Variants in DLAT observed in about 807,000 individuals in gnomAD.
DLAT encodes dihydrolipoyllysine-residue acetyltransferase component of pyruvate dehydrogenase complex, mitochondrial.
Under a neutral mutation model 68.0 loss-of-function variants are expected in DLAT, and 43 were observed. That is an observed-to-expected ratio of 0.63 (90% confidence interval 0.50 to 0.81). The LOEUF (loss-of-function observed/expected upper bound fraction) is 0.81, where lower values mean the gene tolerates loss of function less well. Among genes scored for constraint, DLAT ranks in the 40% least tolerant of loss-of-function variants. The pLI is 0.00. For synonymous variants in DLAT, 265 were observed against 288.6 expected (o/e 0.92, Z 0.83); for missense variants, 745 against 815.4 (o/e 0.91, Z 1.05).
At chr11:112,059,176 T>A (rs1555182910) in intron 11 of DLAT, among the ~76,000 whole-genome samples, 1 of 152,250 alleles carries the variant, frequency 6.6e-6, no homozygotes, top group East Asian at 1.9e-4. Context: ...TCCTTTCATC[T>A]GCTCAAACTA....
chr11:112,036,340 A>T (rs1174336826), intron 5 of DLAT, among the ~76,000 whole-genome samples: 1 of 146,532 alleles, frequency 6.8e-6, no homozygotes, highest in Non-Finnish European at 1.5e-5. Context: ...CAGCCTCCCG[A>T]GTAGCTGGGA....
At chr11:112,036,338 C>G (rs1412950893) in intron 5 of DLAT, among the ~76,000 whole-genome samples, 1 of 149,726 alleles carries the variant, frequency 6.7e-6, no homozygotes, top group Non-Finnish European at 1.5e-5. Flanking sequence ...CTCAGCCTCC[C>G]GAGTAGCTGG....
chr11:112,045,951 T>C lies in DLAT; in HGVS notation c.1379T>C (p.Val460Ala). 6.2e-7 allele frequency: 1 copy of C among 1,603,522 alleles called. No individual in the cohort carries two copies. The highest frequency in any genetic ancestry group is 1.1e-5 in the South Asian group (1 of 90,818). The stretch of plus-strand genomic sequence containing the variant: ...GTAAATATGGGAGAAGTTTTGTTGG[T>C]ACGGAAAGAACTTAATAAGGTAAAA... Reference protein sequence around the residue: ...IDVNMGEVLLVRKELNKILEG... With the variant: ...IDVNMGEVLLARKELNKILEG... The change falls in exon 10 of 14, where the codon GTA becomes GCA. Residue 460 changes from valine to alanine, a missense_variant. Val to Ala is a moderately conservative substitution (Grantham distance 64). Transcript: ENST00000280346.
At chr11:112,039,445 G>A in intron 7 of DLAT, 48 bp downstream of exon 7, 4 of 1,596,606 alleles carry the variant, frequency 2.5e-6, no homozygotes, top group Non-Finnish European at 3.4e-6. Context: ...AAATTTAGTT[G>A]AATTTCCTCC....
At chr11:112,029,398 G>A (rs917414213) in intron 4 of DLAT, among the ~76,000 whole-genome samples, 6 of 152,274 alleles carry the variant, frequency 3.9e-5, no homozygotes, top group Admixed American at 3.9e-4. Context: ...GCCAGCATCT[G>A]TTTCTCTTGT....
chr11:112,041,561 G>C (rs1383729057), intron 7 of DLAT, among the ~76,000 whole-genome samples: 1 of 152,202 alleles, frequency 6.6e-6, no homozygotes, highest in Non-Finnish European at 1.5e-5. Flanking sequence ...AAATGGGAAA[G>C]AGTTTAGCAT....
At chr11:112,026,105 C>T in intron 1 of DLAT, 93 bp from the exon 2 acceptor site, 6 of 1,038,188 alleles carry the variant, frequency 5.8e-6, no homozygotes, top group Non-Finnish European at 8.8e-6. Context: ...ACTGTATACA[C>T]TTTGCATGAA....
At position 112,026,917 on chromosome 11, in the gene DLAT, G is replaced by A. The variant is rs1359452593; in HGVS notation, c.381+618G>A. On this transcript the variant is annotated intron_variant, in intron 2 of 13. Transcript: ENST00000280346. ...TGGGCAGAGGCGCCCCTCACCTCCC[G>A]GGCGGGGCAGCTGGCCAGGCGGGGG... Among the ~76,000 whole-genome samples the A allele has an allele frequency of 3.3e-5, 5 of 149,588 alleles. No individual in the cohort carries two copies. In the East Asian group the frequency reaches 6.2e-4, roughly 18 times the overall value.
intron 11 of DLAT, among the ~76,000 whole-genome samples, chr11:112,055,235 A>ATTTT (rs66865041): frequency 2.3e-4 from 17 of 75,454 alleles, no homozygotes; most frequent in South Asian, 1.5e-3. Context: ...GTCAAGGCCT[A>ATTTT]TTTTTTTTTT....
chr11:112,058,620 G>GT (rs1864277876), intron 11 of DLAT, among the ~76,000 whole-genome samples: 4 of 130,078 alleles, frequency 3.1e-5, no homozygotes, highest in South Asian at 3.1e-4. Flanking sequence ...GGGGGAAGGG[G>GT]GGGGTGGGGG....
intron 11 of DLAT, among the ~76,000 whole-genome samples, chr11:112,052,530 A>G (rs1555182101): frequency 6.6e-6 from 1 of 152,204 alleles, no homozygotes; most frequent in African/African-American, 2.4e-5. Flanking sequence ...TACAAAGGAT[A>G]TGGATGAACA....
intron 4 of DLAT, among the ~76,000 whole-genome samples, chr11:112,029,250 C>T (rs1862263714): frequency 6.6e-6 from 1 of 152,182 alleles, no homozygotes; most frequent in South Asian, 2.1e-4. Flanking sequence ...AACATCTATT[C>T]CCTGTATAAT....
intron 8 of DLAT, among the ~76,000 whole-genome samples, chr11:112,044,548 A>T (rs768249863): frequency 5.9e-4 from 90 of 152,050 alleles, no homozygotes; most frequent in Non-Finnish European, 1.2e-3. Context: ...GAATGCTTCC[A>T]TTGCTTTTCT....
chr11:112,039,543 A>G (rs1862947696), intron 7 of DLAT, 146 bp downstream of exon 7: 1 of 890,844 alleles, frequency 1.1e-6, no homozygotes, highest in African/African-American at 1.7e-5. Context: ...GAAGGGAGAA[A>G]TAGTTCTTTT....
chr11:112,025,627 A>T lies in DLAT; in HGVS notation c.155A>T (p.Tyr52Phe), dbSNP rs1555179129. ...PARRNSVTTG[Y>F]GGVRALCGWT... ...CGTCGCAACAGCGTGACTACAGGGT[A>T]TGGCGGGGTCCGGGCACTGTGCGGC... Residue 52 changes from tyrosine to phenylalanine, a missense_variant, in exon 1 of 14, where the codon TAT (tyrosine) becomes TTT (phenylalanine). Transcript: ENST00000280346. The T allele has an allele frequency of 6.2e-7, 1 of 1,613,628 alleles. No homozygotes were observed. Among genetic ancestry groups the T allele is most frequent in the Non-Finnish European group, 8.5e-7 (1 of 1,179,980 alleles).
At chr11:112,037,796 GA>G (rs1862854144) in intron 6 of DLAT, among the ~76,000 whole-genome samples, 1 of 130,942 alleles carries the variant, frequency 7.6e-6, no homozygotes, top group Non-Finnish European at 1.6e-5. Context: ...TTTTTTTTAA[GA>G]GACAAGGTCT....
At chr11:112,045,321 C>A (rs1419238117) in intron 9 of DLAT, 91 bp downstream of exon 9, 24 of 1,081,030 alleles carry the variant, frequency 2.2e-5, no homozygotes, top group Non-Finnish European at 2.8e-5. Context: ...TTAACAGAGG[C>A]TTTTTAAGTT....
In DLAT at chr11:112,025,465, G is replaced by A; in HGVS notation, c.-8G>A. On this transcript the variant is annotated 5_prime_UTR_variant, in exon 1 of 14. It adds an upstream start codon to the 5' untranslated region. Coordinates refer to ENST00000280346, the MANE Select transcript of DLAT (RefSeq NM_001931.5). ...GTTGGTTTTGGGGTGTGGGGGGTTG[G>A]TGGCACTATGTGGCGCGTCTGTGCG... The A allele has an allele frequency of 6.2e-7, 1 of 1,610,908 alleles. No homozygotes were observed. Among genetic ancestry groups the A allele is most frequent in the East Asian group, 2.2e-5 (1 of 44,830 alleles).
chr11:112,029,784 T>C, intron 4 of DLAT: 1 of 482,224 alleles, frequency 2.1e-6, no homozygotes, highest in Non-Finnish European at 4.0e-6. Flanking sequence ...CAGATTATCT[T>C]ACTCAAGAAC....
Sources: allele counts gnomAD v4.1 joint callset (sites outside exome capture counted in the v4.1 genomes callset), GRCh38; gene constraint gnomAD v4.1.1; transcripts MANE v1.5; gene names NCBI Gene and HGNC (gene_info 2026-07-23, HGNC 2026-07-21).